Variants in FBN1 observed in about 807,000 individuals in gnomAD.
FBN1 encodes fibrillin 1, also known as fibrillin-1.
Under a neutral mutation model 365.1 loss-of-function variants are expected in FBN1, and 29 were observed. That is an observed-to-expected ratio of 0.08 (90% CI 0.06 to 0.11). The LOEUF (loss-of-function observed/expected upper bound fraction) is 0.11. Ranked by LOEUF, FBN1 falls within the 10% of genes least tolerant of loss-of-function variation. FBN1 has a pLI of 1.00. For missense variants in FBN1, 2,476 were observed against 3,703.2 expected (o/e 0.67, Z 8.60); for synonymous variants, 1,210 against 1,270.5 (o/e 0.95, Z 1.01).
rs2042855390 is a variant in FBN1, at chr15:48,410,926, GA to G, written c.*63del. 1.4e-6 allele frequency: 2 copies of G among 1,414,616 alleles called. No individual in the cohort carries two copies. The highest frequency in any genetic ancestry group is 1.4e-5 in the African/African-American group (1 of 70,046). The allele number at this position is 1,414,616 out of a possible 1,614,324, so 87.6% of individuals were successfully genotyped here. On this transcript the variant is annotated 3_prime_UTR_variant, in exon 66 of 66. Transcript: ENST00000316623. ...TATGATATGATGATTCTGATTGGGG[GA>G]AAATATAGTTCTACCTATCTATATT...
At chr15:48,517,967 G>A (rs1201222605) in intron 10 of FBN1, among the ~76,000 whole-genome samples, 1 of 152,100 alleles carries the variant, frequency 6.6e-6, no homozygotes, top group African/African-American at 2.4e-5. Context: ...AGGTTAAATA[G>A]GAAAGTACTG....
chr15:48,472,458 T>TAAC (rs2043383843), intron 35 of FBN1, 93 bp downstream of exon 35: 2 of 1,181,958 alleles, frequency 1.7e-6, no homozygotes, highest in Admixed American at 4.1e-5. Context: ...CACCTCAGTT[T>TAAC]AAAAAAAAAA....
intron 6 of FBN1, among the ~76,000 whole-genome samples, chr15:48,591,050 A>G (rs747183039): frequency 2.0e-5 from 3 of 152,192 alleles, no homozygotes; most frequent in Non-Finnish European, 1.5e-5. Context: ...ATGAGAGAAA[A>G]CTTCTTGCTA....
intron 6 of FBN1, among the ~76,000 whole-genome samples, chr15:48,579,282 C>A (rs1391311650): frequency 6.6e-6 from 1 of 151,992 alleles, no homozygotes; most frequent in Admixed American, 6.5e-5. Context: ...TCTTGACCCC[C>A]CAAAAAATAA....
At chr15:48,589,609 CTTTTTT>C (rs756647308) in intron 6 of FBN1, among the ~76,000 whole-genome samples, 2 of 108,720 alleles carry the variant, frequency 1.8e-5, no homozygotes, top group South Asian at 2.8e-4. Context: ...TTGTTACTTT[CTTTTTT>C]TTTTTTTTTT....
rs572350529 is a variant in FBN1, at chr15:48,449,450, T to C, written c.5546-557A>G. On this transcript the variant is annotated intron_variant, in intron 45 of 65. Coordinates refer to ENST00000316623, the MANE Select transcript of FBN1 (RefSeq NM_000138.5). ...AGTATTCACGTCTACACAGGGCTCC[T>C]TTTAGCATGTGACAACCTGAACACT... is the stretch of plus-strand genomic sequence containing the variant. Among the ~76,000 whole-genome samples, 45 of 152,322 alleles carry C rather than the reference T, an allele frequency of 3.0e-4. 4 individuals carry two copies. In the South Asian group the frequency reaches 8.9e-3, roughly 30 times the overall value.
At chr15:48,498,713 C>T (rs1463746783) in intron 18 of FBN1, among the ~76,000 whole-genome samples, 1 of 152,136 alleles carries the variant, frequency 6.6e-6, no homozygotes, top group Non-Finnish European at 1.5e-5. Context: ...AGTCATTACA[C>T]ATCATCTGCG....
Position 48,464,193 on chromosome 15 carries a change from C to T in FBN1, c.4943-172G>A, listed in dbSNP as rs149830555. Among the ~76,000 whole-genome samples, 643 of 152,216 alleles carry T rather than the reference C, an allele frequency of 4.2e-3. 5 individuals carry two copies. The highest frequency in any genetic ancestry group is 6.8e-3 in the Middle Eastern group (2 of 294). On this transcript the variant is annotated intron_variant, in intron 40 of 65. Transcript: ENST00000316623. ...GTCCTCTCTCTGTGTAAATGTGTGC[C>T]TTTTGAGGAAAGAGGGTTTTAGAAA...
At chr15:48,437,134 A>G (rs2043079315) in intron 52 of FBN1, 57 bp from the exon 53 acceptor site, 3 of 1,283,030 alleles carry the variant, frequency 2.3e-6, no homozygotes, top group African/African-American at 2.9e-5. Context: ...CGTGAAGATA[A>G]ATTATGATCA....
At position 48,446,820 on chromosome 15, in the gene FBN1, T is replaced by A. The variant is rs760170973; in HGVS notation, c.5674A>T (p.Ile1892Leu). ...TNDDQTMCLD[I>L]NECERDACGN... is the part of the protein sequence containing the mutation. ...CAGGCATCTCTTTCACATTCATTTA[T>A]GTCTAGTAGGAAGAAAGGCCATAAA... Residue 1892 changes from isoleucine (I) to leucine (L), a missense_variant and splice_region_variant, in exon 47 of 66, where the codon ATA becomes TTA. By Grantham distance (5) the Ile-to-Leu change is conservative. Around this residue, in one of 5 missense-constraint regions of FBN1, gnomAD observed 1,780 missense variants for 2,840.8 expected, o/e 0.63. Coordinates refer to ENST00000316623, the MANE Select transcript of FBN1 (RefSeq NM_000138.5). 1 of 1,594,522 alleles carries A rather than the reference T, an allele frequency of 6.3e-7. No individual in the cohort carries two copies. Among genetic ancestry groups the A allele is most frequent in the Non-Finnish European group, 8.6e-7 (1 of 1,162,334 alleles).
intron 18 of FBN1, among the ~76,000 whole-genome samples, 190 bp downstream of exon 18, chr15:48,498,795 T>C (rs1597571256): frequency 2.6e-5 from 4 of 151,880 alleles, no homozygotes; most frequent in African/African-American, 9.7e-5. Flanking sequence ...CACCCAGAAA[T>C]CCTAGAGCCC....
chr15:48,595,548 T>C (rs2044509561), intron 6 of FBN1, among the ~76,000 whole-genome samples: 1 of 152,214 alleles, frequency 6.6e-6, no homozygotes, highest in East Asian at 1.9e-4. Context: ...AATATCATAC[T>C]TGTATTTTTA....
chr15:48,491,338 TTTTTCTTTTTC>T (rs2043556582), intron 24 of FBN1, among the ~76,000 whole-genome samples: 1 of 151,898 alleles, frequency 6.6e-6, no homozygotes, highest in Non-Finnish European at 1.5e-5. Context: ...TACCACTTTC[TTTTTCTTTTTC>T]TTTTCTTTTT....
intron 6 of FBN1, among the ~76,000 whole-genome samples, chr15:48,590,197 T>C: frequency 6.6e-6 from 1 of 152,114 alleles, no homozygotes; most frequent in East Asian, 1.9e-4. Context: ...AAAATAATAA[T>C]GAATCTGTAT....
At chr15:48,471,043 T>G (rs1410152814) in intron 35 of FBN1, among the ~76,000 whole-genome samples, 1 of 152,054 alleles carries the variant, frequency 6.6e-6, no homozygotes, top group Admixed American at 6.6e-5. Flanking sequence ...ATCACTTTCG[T>G]AAAGTAAGAG....
At chr15:48,583,013 T>C (rs1295218660) in intron 6 of FBN1, among the ~76,000 whole-genome samples, 1 of 152,242 alleles carries the variant, frequency 6.6e-6, no homozygotes, top group Non-Finnish European at 1.5e-5. Flanking sequence ...GAGCTCCTAT[T>C]CCCAGCGTGG....
At chr15:48,419,737 G>A (rs930670045) in intron 63 of FBN1, among the ~76,000 whole-genome samples, 1 of 152,190 alleles carries the variant, frequency 6.6e-6, no homozygotes, top group African/African-American at 2.4e-5. Flanking sequence ...GCAATGCAGA[G>A]CCTGCACCCG....
intron 24 of FBN1, among the ~76,000 whole-genome samples, chr15:48,490,989 T>C (rs1454839038): frequency 6.6e-6 from 1 of 152,224 alleles, no homozygotes; most frequent in African/African-American, 2.4e-5. Flanking sequence ...CTCCCTGGGT[T>C]TCCTCTAACG....
intron 13 of FBN1, among the ~76,000 whole-genome samples, chr15:48,512,502 CG>C (rs954511561): frequency 6.6e-6 from 1 of 152,134 alleles, no homozygotes; most frequent in Non-Finnish European, 1.5e-5. Context: ...CAATAGGCCC[CG>C]GTGTGTGTTG....
Sources: gnomAD v4.1 joint callset for allele counts (sites outside exome capture counted in the v4.1 genomes callset) on GRCh38, gnomAD v4.1.1 for gene constraint, gnomAD v4.1.1 regional missense constraint, MANE v1.5 for transcripts, NCBI Gene and HGNC (gene_info 2026-07-23, HGNC 2026-07-21) for gene names.